Variants in ADAP1 observed in about 807,000 individuals in gnomAD.
The protein encoded by ADAP1 is arf-GAP with dual PH domain-containing protein 1.
ADAP1 carries 31 observed loss-of-function variants against 54.9 expected under a neutral mutation model. That is an observed-to-expected ratio of 0.56 (90% confidence interval 0.42 to 0.76). ADAP1 has a LOEUF of 0.76. ADAP1 is among the 30% of genes least tolerant of loss of function. ADAP1 has a pLI of 0.00. For missense variants in ADAP1, 535 were observed against 512.4 expected (o/e 1.04, Z -0.42); for synonymous variants, 313 against 202.6 (o/e 1.55, Z -4.63).
Position 938,768 on chromosome 7 carries a change from G to C in ADAP1, c.83-3263C>G, listed in dbSNP as rs551923969. Among the ~76,000 whole-genome samples, 9 of 152,336 alleles carry C rather than the reference G, an allele frequency of 5.9e-5. No individual in the cohort carries two copies. The highest frequency in any genetic ancestry group is 3.9e-4 in the East Asian group (2 of 5,192). ...ACATCACCGCTCGGGGTGCAGTGGG[G>C]GGCCCTCCTTCTCACCGCATGGCAA... On this transcript the variant is annotated intron_variant, in intron 1 of 10. Coordinates refer to ENST00000265846, the MANE Select transcript of ADAP1 (RefSeq NM_006869.4). The surrounding 1 kb of genome is among the most constrained non-coding windows in gnomAD (Gnocchi z 4.4).
intron 6 of ADAP1, chr7:901,400 G>A (rs1319780275): frequency 1.6e-5 from 3 of 190,692 alleles, no homozygotes; most frequent in Non-Finnish European, 1.1e-5. Flanking sequence ...ACTCTTGGCT[G>A]CACCCTCTCC....
chr7:952,755 T>A (rs1380343357), intron 1 of ADAP1, among the ~76,000 whole-genome samples: 2 of 152,070 alleles, frequency 1.3e-5, no homozygotes. Flanking sequence ...AGGAGACAAG[T>A]CACTGAGGTC....
intron 3 of ADAP1, chr7:922,934 A>T (rs1846243265): frequency 7.5e-6 from 1 of 133,902 alleles, no homozygotes; most frequent in African/African-American, 2.8e-5. Context: ...TCCTACTGGG[A>T]GCCCTGACCC....
intron 5 of ADAP1, among the ~76,000 whole-genome samples, chr7:904,547 C>A (rs1844998656): frequency 6.6e-6 from 1 of 152,222 alleles, no homozygotes; most frequent in African/African-American, 2.4e-5. Context: ...CCGGGCCCCA[C>A]ACGGCACGGC....
Position 898,701 on chromosome 7 carries a change from A to T in ADAP1, c.*220T>A, listed in dbSNP as rs1417275603. On this transcript the variant is annotated 3_prime_UTR_variant, in exon 11 of 11. Transcript: ENST00000265846. Reference sequence around the variant, plus strand: ...TTGGCTGGGTGTGGTCAGCAGCAGCATGACGGGGTTAGAGATCAGGCCCAG... The same window carrying T: ...TTGGCTGGGTGTGGTCAGCAGCAGCTTGACGGGGTTAGAGATCAGGCCCAG... The T allele has an allele frequency of 1.1e-5, 7 of 618,136 alleles. No homozygotes were observed. In the East Asian group the frequency reaches 2.0e-4, roughly 17 times the overall value. 38.3% of individuals were successfully genotyped at this position (618,136 alleles called of 1,614,324 possible). A position where few individuals can be genotyped will look rare whatever the true frequency, so the allele number is the denominator to read the frequency against.
Position 951,851 on chromosome 7 carries a change from C to T in ADAP1, c.82+2545G>A, listed in dbSNP as rs576455309. Among the ~76,000 whole-genome samples the T allele has an allele frequency of 7.9e-5, 12 of 152,326 alleles. No homozygotes were observed. In the East Asian group the frequency reaches 2.3e-3, roughly 29 times the overall value. On this transcript the variant is annotated intron_variant, in intron 1 of 10. Transcript: ENST00000265846. ...TTTTGAGACAGGGTCTCACTCTGGC[C>T]TAGGCTGGAGTGTGATCACGACTCA...
At chr7:914,086 C>T (rs2128102097) in intron 4 of ADAP1, among the ~76,000 whole-genome samples, 1 of 152,266 alleles carries the variant, frequency 6.6e-6, no homozygotes, top group South Asian at 2.1e-4. Context: ...CCTGTGAGAA[C>T]AACCCGGCCA....
chr7:933,569 GTGGTGGTGCAGAGCCGGGGA>G (rs1846657072), intron 2 of ADAP1, among the ~76,000 whole-genome samples: 3 of 116,182 alleles, frequency 2.6e-5, no homozygotes, highest in South Asian at 2.9e-4. Context: ...GCCGGGGTCA[GTGGTGGTGCAGAGCCGGGGA>G]CCGGGGTCAG....
intron 3 of ADAP1, among the ~76,000 whole-genome samples, chr7:922,691 G>C (rs554735832): frequency 8.0e-6 from 1 of 125,236 alleles, no homozygotes; most frequent in South Asian, 2.2e-4. Context: ...TGCCTCTTGC[G>C]AAAGTGACCC....
At position 899,244 on chromosome 7, in the gene ADAP1, C is replaced by T. The variant is rs1457308927; in HGVS notation, c.885G>A (p.Gly295=). 24 of 1,612,760 alleles carry T rather than the reference C, an allele frequency of 1.5e-5. No individual in the cohort carries two copies. Among genetic ancestry groups the T allele is most frequent in the Non-Finnish European group, 2.0e-5 (24 of 1,179,954 alleles). The change falls in exon 10 of 11, where the codon GGG becomes GGA. Residue 295 remains glycine (G), a synonymous_variant. Transcript: ENST00000265846. ...FKDPLDAFAR[G]EVFIGSKESG... The stretch of plus-strand genomic sequence containing the variant: ...TCTCCTTGCTGCCAATGAAGACTTC[C>T]CCTCGGGCGAAGGCGTCCTGTGGGT...
At position 899,447 on chromosome 7, in the gene ADAP1, C is replaced by T. The variant is rs776696929; in HGVS notation, c.839G>A (p.Arg280His). 2.5e-6 allele frequency: 4 copies of T among 1,613,182 alleles called. No homozygotes were observed. The South Asian group carries it at 3.3e-5, about 13-fold the overall frequency. Residue 280 changes from arginine to histidine, a missense_variant, in exon 9 of 11, where the codon CGC becomes CAC. Arg to His is a conservative substitution (Grantham distance 29, BLOSUM62 0). Coordinates refer to ENST00000265846, the MANE Select transcript of ADAP1 (RefSeq NM_006869.4). ...FRKRWFTMDD[R>H]RLMYFKDPLD... is the part of the protein sequence containing the mutation. Reference sequence around the variant, plus strand: ...GGGGTCTTTGAAGTACATGAGCCTGCGGTCATCCATGGTGAACCAGCGCTT... The same window carrying T: ...GGGGTCTTTGAAGTACATGAGCCTGTGGTCATCCATGGTGAACCAGCGCTT...
chr7:927,569 G>A (rs1178465267), intron 2 of ADAP1: 2 of 461,532 alleles, frequency 4.3e-6, no homozygotes, highest in East Asian at 7.0e-5. Flanking sequence ...TCACATGGCA[G>A]TAAACAGGGA....
At chr7:912,182 C>A (rs1293013699) in intron 4 of ADAP1, among the ~76,000 whole-genome samples, 1 of 152,198 alleles carries the variant, frequency 6.6e-6, no homozygotes, top group Non-Finnish European at 1.5e-5. Flanking sequence ...TCCTGAACCA[C>A]AGGGGAACCA....
chr7:926,895 C>A lies in ADAP1; in HGVS notation c.214-251G>T. On this transcript the variant is annotated intron_variant, in intron 2 of 10. Coordinates refer to ENST00000265846, the MANE Select transcript of ADAP1 (RefSeq NM_006869.4). This position sits in a 1 kb window ranked among gnomAD's most constrained non-coding sequence, Gnocchi z 4.6. ...GTCCCGGCAAAGGGGGCCCAGGGGC[C>A]AGGCCCCTTTTGAGGATGGGTCTGA... 1 of 1,050,416 alleles carries A rather than the reference C, an allele frequency of 9.5e-7. No individual in the cohort carries two copies. The allele number at this position is 1,050,416 out of a possible 1,614,324, so 65.1% of individuals were successfully genotyped here.
chr7:899,626 G>A (rs1844684236), intron 8 of ADAP1, 136 bp from the exon 9 acceptor site: 7 of 998,656 alleles, frequency 7.0e-6, no homozygotes, highest in Non-Finnish European at 1.0e-5. Context: ...CCTGCCGCTG[G>A]CCACGCCCCA....
intron 2 of ADAP1, among the ~76,000 whole-genome samples, chr7:931,796 T>C (rs1846589021): frequency 6.9e-6 from 1 of 145,948 alleles, no homozygotes; most frequent in Non-Finnish European, 1.5e-5. Context: ...AAACATAAAA[T>C]GTGAAGAAAA....
chr7:907,530 T>C (rs1253814888), intron 4 of ADAP1, among the ~76,000 whole-genome samples: 2 of 152,090 alleles, frequency 1.3e-5, no homozygotes, highest in African/African-American at 4.8e-5. Flanking sequence ...TGAGCTGCGG[T>C]CAGTGACCCA....
At chr7:953,977 G>A (rs1426747139) in intron 1 of ADAP1, among the ~76,000 whole-genome samples, 2 of 152,188 alleles carry the variant, frequency 1.3e-5, no homozygotes, top group Non-Finnish European at 2.9e-5. Flanking sequence ...AGGTGGCCCC[G>A]GAGCCGGCGG....
intron 5 of ADAP1, among the ~76,000 whole-genome samples, chr7:904,839 G>T (rs189173344): frequency 6.6e-6 from 1 of 152,194 alleles, no homozygotes; most frequent in Non-Finnish European, 1.5e-5. Flanking sequence ...CCGCCCGGCC[G>T]CCCAGGCTCC....
Sources: gnomAD v4.1 joint callset for allele counts (sites outside exome capture counted in the v4.1 genomes callset) on GRCh38, gnomAD v4.1.1 for gene constraint, Gnocchi (gnomAD v3.1) non-coding constraint, MANE v1.5 for transcripts, NCBI Gene and HGNC (gene_info 2026-07-23, HGNC 2026-07-21) for gene names.